The following DNAH11 variants were observed in gnomAD, a reference collection of about 807,000 sequenced individuals.
DNAH11 encodes dynein axonemal heavy chain 11.
DNAH11 carries 442 observed loss-of-function variants against 526.0 expected under a neutral mutation model. The ratio of observed to expected loss-of-function variants is 0.84; its 90% CI spans 0.78 to 0.91. The LOEUF (loss-of-function observed/expected upper bound fraction) is 0.91. Ranked by LOEUF, DNAH11 falls within the 40% of genes least tolerant of loss-of-function variation. The pLI is 0.00. For missense variants in DNAH11, 6,989 were observed against 5,448.7 expected, an observed-to-expected ratio of 1.28 and a Z score of -8.90; for synonymous variants, 2,461 against 1,935.9, an observed-to-expected ratio of 1.27 and a Z score of -7.12.
intron 65 of DNAH11, among the ~76,000 whole-genome samples, chr7:21,827,919 TGA>T (rs752626478): frequency 6.6e-6 from 1 of 152,112 alleles, no homozygotes; most frequent in Non-Finnish European, 1.5e-5. Context: ...TGTACTTTCT[TGA>T]GCTGGAAGCT....
intron 18 of DNAH11, among the ~76,000 whole-genome samples, chr7:21,602,235 A>C (rs1785119263): frequency 6.6e-6 from 1 of 152,138 alleles, no homozygotes; most frequent in South Asian, 2.1e-4. Context: ...CCTACTCAGG[A>C]GGCTGAGGCA....
At chr7:21,845,742 A>C (rs774082338) in intron 66 of DNAH11, among the ~76,000 whole-genome samples, 4 of 152,174 alleles carry the variant, frequency 2.6e-5, no homozygotes, top group Non-Finnish European at 5.9e-5. Flanking sequence ...TCAGATTTTC[A>C]ACATCTATAA....
At chr7:21,796,992 CAAAG>C (rs888837613) in intron 61 of DNAH11, among the ~76,000 whole-genome samples, 7 of 150,048 alleles carry the variant, frequency 4.7e-5, no homozygotes, top group Non-Finnish European at 1.5e-5. Flanking sequence ...TAGAGAAGAA[CAAAG>C]AAAAAAGTGA....
At chr7:21,848,662 A>G (rs1249465500) in intron 66 of DNAH11, among the ~76,000 whole-genome samples, 2 of 152,032 alleles carry the variant, frequency 1.3e-5, no homozygotes, top group African/African-American at 4.8e-5. Context: ...ATATTTATAT[A>G]TTACAACATG....
intron 64 of DNAH11, among the ~76,000 whole-genome samples, chr7:21,817,671 C>A (rs187248614): frequency 5.3e-5 from 8 of 152,050 alleles, no homozygotes; most frequent in African/African-American, 1.9e-4. Flanking sequence ...CCAGCCTGGA[C>A]AACAGAGTGA....
At chr7:21,858,895 A>G (rs1484310881) in intron 68 of DNAH11, among the ~76,000 whole-genome samples, 1 of 152,186 alleles carries the variant, frequency 6.6e-6, no homozygotes, top group Admixed American at 6.5e-5. Context: ...TGATTTTAAG[A>G]AAGTGTAAAT....
intron 31 of DNAH11, among the ~76,000 whole-genome samples, chr7:21,682,992 G>A (rs1783205800): frequency 5.9e-5 from 9 of 151,854 alleles, no homozygotes; most frequent in Admixed American, 5.9e-4. Flanking sequence ...CCTTTAATAT[G>A]GCCTTGTATC....
intron 65 of DNAH11, among the ~76,000 whole-genome samples, chr7:21,822,582 A>G (rs2128003030): frequency 6.6e-6 from 1 of 152,334 alleles, no homozygotes; most frequent in South Asian, 2.1e-4. Flanking sequence ...ATATTGCTGC[A>G]GTGAACATGG....
chr7:21,726,672 T>G (rs1299089467), intron 45 of DNAH11, among the ~76,000 whole-genome samples: 1 of 150,858 alleles, frequency 6.6e-6, no homozygotes, highest in East Asian at 2.0e-4. Context: ...CCATCCTGGC[T>G]AACACGGTGA....
intron 8 of DNAH11, among the ~76,000 whole-genome samples, chr7:21,578,621 G>C (rs1398503854): frequency 6.6e-6 from 1 of 152,202 alleles, no homozygotes; most frequent in Non-Finnish European, 1.5e-5. Flanking sequence ...TGGGGACTCT[G>C]TGTGGGGGCT....
At chr7:21,631,643 T>G (rs1211218717) in intron 25 of DNAH11, among the ~76,000 whole-genome samples, 2 of 152,174 alleles carry the variant, frequency 1.3e-5, no homozygotes, top group Non-Finnish European at 2.9e-5. Context: ...TGATCTTCTT[T>G]GACTCCATGT....
At chr7:21,821,987 C>T (rs1790073774) in intron 65 of DNAH11, among the ~76,000 whole-genome samples, 1 of 151,812 alleles carries the variant, frequency 6.6e-6, no homozygotes, top group African/African-American at 2.4e-5. Context: ...TGACTTATTT[C>T]ATTTAACATA....
In DNAH11 at chr7:21,894,809, A is replaced by C; in HGVS notation, c.12933+4A>C. On this transcript the variant is annotated splice_donor_region_variant and intron_variant, in intron 78 of 81. Transcript: ENST00000409508. ...ACAACTGGACCTTAGTTTGAAGGTA[A>C]GCTTAAAGTGAGGCTATAGTAGACT... 17 of 1,608,440 alleles carry C rather than the reference A, an allele frequency of 1.1e-5. No individual in the cohort carries two copies. The highest frequency in any genetic ancestry group is 1.4e-5 in the Non-Finnish European group (17 of 1,176,590).
chr7:21,869,350 C>T (rs1040721027), intron 73 of DNAH11, among the ~76,000 whole-genome samples: 1 of 113,320 alleles, frequency 8.8e-6, no homozygotes, highest in Non-Finnish European at 2.3e-5. Context: ...ACGTTAGAGT[C>T]GACAGAACTC....
intron 28 of DNAH11, among the ~76,000 whole-genome samples, chr7:21,643,595 T>A (rs1787219604): frequency 6.6e-6 from 1 of 152,220 alleles, no homozygotes; most frequent in African/African-American, 2.4e-5. Flanking sequence ...TTTATTGTAA[T>A]GAATTGCAAT....
intron 35 of DNAH11, among the ~76,000 whole-genome samples, chr7:21,697,823 A>G (rs2128477037): frequency 6.6e-6 from 1 of 152,330 alleles, no homozygotes; most frequent in East Asian, 1.9e-4. Flanking sequence ...TACAGAATGT[A>G]TTCATGGATT....
At chr7:21,791,738 A>C (rs1423732887) in intron 61 of DNAH11, among the ~76,000 whole-genome samples, 1 of 152,228 alleles carries the variant, frequency 6.6e-6, no homozygotes, top group Non-Finnish European at 1.5e-5. Flanking sequence ...TAGACACTTC[A>C]TAAATCTTAG....
chr7:21,785,476 G>A (rs1788132560), intron 58 of DNAH11, among the ~76,000 whole-genome samples: 1 of 152,192 alleles, frequency 6.6e-6, no homozygotes, highest in Non-Finnish European at 1.5e-5. Flanking sequence ...GATATATTAA[G>A]TGAATAAAGC....
chr7:21,782,106 G>A (rs960301794), intron 57 of DNAH11, among the ~76,000 whole-genome samples: 65 of 152,314 alleles, frequency 4.3e-4, no homozygotes, highest in African/African-American at 1.5e-3. Context: ...ACACAGTTTA[G>A]CTCATAACAA....
Sources: gnomAD v4.1 joint callset for allele counts (sites outside exome capture counted in the v4.1 genomes callset) on GRCh38, gnomAD v4.1.1 for gene constraint, MANE v1.5 for transcripts, NCBI Gene and HGNC (gene_info 2026-07-23, HGNC 2026-07-21) for gene names.